Variants in CCDC85A observed in about 807,000 individuals in gnomAD.
CCDC85A encodes coiled-coil domain-containing protein 85A.
CCDC85A carries 38 observed loss-of-function variants against 50.2 expected under a neutral mutation model. The ratio of observed to expected loss-of-function variants is 0.76; its 90% confidence interval spans 0.58 to 0.99. The LOEUF (loss-of-function observed/expected upper bound fraction) is 0.99, where lower values mean the gene tolerates loss of function less well. Among genes scored for constraint, CCDC85A ranks in the 50% least tolerant of loss-of-function variants. The probability of loss-of-function intolerance (pLI) is 0.00; values close to 1 mark genes in which losing one functional copy is unlikely to be tolerated. For synonymous variants in CCDC85A, 366 were observed against 301.4 expected (o/e 1.21, Z -2.22); for missense variants, 820 against 742.0 (o/e 1.11, Z -1.22).
chr2:56,208,210 T>G (rs887290504), intron 2 of CCDC85A, among the ~76,000 whole-genome samples: 1 of 152,188 alleles, frequency 6.6e-6, no homozygotes, highest in African/African-American at 2.4e-5. Context: ...TTCTGAGTTC[T>G]TATAAGAATA....
At chr2:56,342,847 G>C (rs368323243) in intron 2 of CCDC85A, 32 bp from the exon 3 acceptor site, 2 of 1,439,106 alleles carry the variant, frequency 1.4e-6, no homozygotes, top group Admixed American at 3.9e-5. Context: ...AGACCTGTGT[G>C]TATAATGTGA....
intron 2 of CCDC85A, among the ~76,000 whole-genome samples, chr2:56,305,081 C>T (rs932409990): frequency 1.5e-4 from 22 of 147,794 alleles, no homozygotes; most frequent in African/African-American, 4.6e-4. Flanking sequence ...CCAGCCTGGG[C>T]GACAGAGCAA....
At chr2:56,308,542 C>G (rs1180510670) in intron 2 of CCDC85A, among the ~76,000 whole-genome samples, 1 of 152,160 alleles carries the variant, frequency 6.6e-6, no homozygotes, top group Admixed American at 6.5e-5. Flanking sequence ...ACAACAACAA[C>G]AACAACACAA....
chr2:56,268,555 A>G (rs1467678048), intron 2 of CCDC85A, among the ~76,000 whole-genome samples: 1 of 148,450 alleles, frequency 6.7e-6, no homozygotes, highest in African/African-American at 2.5e-5. Context: ...AGATTGCACC[A>G]CTGCATTCCA....
chr2:56,214,307 A>G (rs1434666442), intron 2 of CCDC85A, among the ~76,000 whole-genome samples: 2 of 151,936 alleles, frequency 1.3e-5, no homozygotes, highest in African/African-American at 2.4e-5. Flanking sequence ...AAGAGAGTCA[A>G]TAGTCAATGT....
chr2:56,250,672 G>C (rs1275135897), intron 2 of CCDC85A, among the ~76,000 whole-genome samples: 1 of 152,182 alleles, frequency 6.6e-6, no homozygotes, highest in African/African-American at 2.4e-5. Flanking sequence ...GGGTTGCAAT[G>C]TGATTCAAAT....
chr2:56,324,076 T>G (rs957381746), intron 2 of CCDC85A, among the ~76,000 whole-genome samples: 1 of 152,146 alleles, frequency 6.6e-6, no homozygotes, highest in Non-Finnish European at 1.5e-5. Context: ...TTAATGTTCT[T>G]GGGTACTTCT....
At chr2:56,347,130 A>C (rs1674668237) in intron 3 of CCDC85A, among the ~76,000 whole-genome samples, 1 of 152,210 alleles carries the variant, frequency 6.6e-6, no homozygotes, top group African/African-American at 2.4e-5. Context: ...ATACATACTT[A>C]CAAATAAATA....
chr2:56,208,734 T>C (rs759094524), intron 2 of CCDC85A, among the ~76,000 whole-genome samples: 2 of 152,028 alleles, frequency 1.3e-5, no homozygotes, highest in African/African-American at 4.8e-5. Context: ...CCAACACATA[T>C]GATAAAGGGC....
intron 3 of CCDC85A, 132 bp from the exon 4 acceptor site, chr2:56,372,212 C>T: frequency 2.6e-6 from 2 of 780,862 alleles, no homozygotes; most frequent in Non-Finnish European, 1.8e-6. Context: ...TCCCTAGCTA[C>T]AGGTGCATGT....
intron 2 of CCDC85A, 122 bp from the exon 3 acceptor site, chr2:56,342,757 T>G (rs1674437825): frequency 3.7e-6 from 2 of 536,408 alleles, no homozygotes; most frequent in Non-Finnish European, 6.4e-6. Context: ...TTTTTTTTTC[T>G]CATTTTAAAT....
At chr2:56,383,640 T>G (rs1676693492) in intron 5 of CCDC85A, 2 of 985,128 alleles carry the variant, frequency 2.0e-6, no homozygotes, top group Middle Eastern at 5.2e-4. Flanking sequence ...TCATATTGCT[T>G]GGTAGCTAAG....
At chr2:56,380,898 T>C (rs2104407025) in intron 5 of CCDC85A, among the ~76,000 whole-genome samples, 1 of 152,298 alleles carries the variant, frequency 6.6e-6, no homozygotes, top group Non-Finnish European at 1.5e-5. Context: ...CTTTACATTA[T>C]GCTTTATCCT....
intron 2 of CCDC85A, among the ~76,000 whole-genome samples, chr2:56,260,633 C>A (rs1447091472): frequency 1.3e-5 from 2 of 152,178 alleles, no homozygotes; most frequent in African/African-American, 4.8e-5. Context: ...TCATGACCTT[C>A]ACTAGGCATT....
At chr2:56,319,781 C>T (rs949705598) in intron 2 of CCDC85A, among the ~76,000 whole-genome samples, 3 of 152,048 alleles carry the variant, frequency 2.0e-5, no homozygotes, top group African/African-American at 4.8e-5. Flanking sequence ...TGGAAATTGA[C>T]TGGGGAATTC....
At chr2:56,321,792 CT>C (rs35100342) in intron 2 of CCDC85A, among the ~76,000 whole-genome samples, 2 of 152,166 alleles carry the variant, frequency 1.3e-5, no homozygotes, top group Non-Finnish European at 2.9e-5. Context: ...GATAAAACTA[CT>C]TTAAAGTTCA....
chr2:56,354,765 T>C (rs1333028924), intron 3 of CCDC85A, among the ~76,000 whole-genome samples: 4 of 152,230 alleles, frequency 2.6e-5, no homozygotes, highest in Non-Finnish European at 5.9e-5. Flanking sequence ...CTTAATTGTT[T>C]CACTACTTAG....
At chr2:56,266,833 G>A (rs2104044075) in intron 2 of CCDC85A, among the ~76,000 whole-genome samples, 1 of 152,248 alleles carries the variant, frequency 6.6e-6, no homozygotes, top group African/African-American at 2.4e-5. Context: ...GAAAGGAATA[G>A]TATCAAGTTG....
intron 2 of CCDC85A, among the ~76,000 whole-genome samples, chr2:56,292,295 G>C (rs1671748950): frequency 6.6e-6 from 1 of 152,094 alleles, no homozygotes; most frequent in Non-Finnish European, 1.5e-5. Flanking sequence ...GTGTTAGCCA[G>C]GATGGTCTCA....
Sources: gnomAD v4.1 joint callset for allele counts (sites outside exome capture counted in the v4.1 genomes callset) on GRCh38, gnomAD v4.1.1 for gene constraint, MANE v1.5 for transcripts, NCBI Gene and HGNC (gene_info 2026-07-23, HGNC 2026-07-21) for gene names.